The following TULP4 variants were observed in gnomAD, a reference collection of about 807,000 sequenced individuals.
TULP4 encodes the protein TUB like protein 4.
A neutral mutation model predicts 129.0 loss-of-function variants in TULP4; 16 were observed. That is an observed-to-expected ratio of 0.12 (90% CI 0.08 to 0.19). TULP4 has a LOEUF of 0.19. Ranked by LOEUF, TULP4 falls within the 10% of genes least tolerant of loss-of-function variation. The probability of loss-of-function intolerance (pLI) is 1.00; values close to 1 mark genes in which losing one functional copy is unlikely to be tolerated. For missense variants in TULP4, 1,842 were observed against 2,059.1 expected, an observed-to-expected ratio of 0.89 and a Z score of 2.04; for synonymous variants, 998 against 854.0, an observed-to-expected ratio of 1.17 and a Z score of -2.94.
intron 1 of TULP4, among the ~76,000 whole-genome samples, chr6:158,247,212 A>G (rs951857479): frequency 3.9e-5 from 6 of 152,108 alleles, no homozygotes; most frequent in African/African-American, 1.4e-4. Context: ...CCAGTTTGTA[A>G]TGGGCATATT....
intron 1 of TULP4, among the ~76,000 whole-genome samples, chr6:158,368,487 C>G (rs1322186805): frequency 6.6e-6 from 1 of 152,184 alleles, no homozygotes; most frequent in African/African-American, 2.4e-5. Flanking sequence ...TTTTGAACAG[C>G]ATGTGACAGG....
rs5881254 is a variant in TULP4 at position 158,342,947 on chromosome 6, ATGTGTGTG to A, written c.252+28711_252+28718del. On this transcript the variant is annotated intron_variant, in intron 1 of 13. Transcript: ENST00000367097. ...TAGTGAACGATGAGATTAAAAATAA[ATGTGTGTG>A]TGTGTGTGTGTGTGTGTGTGTGTGT... Among the ~76,000 whole-genome samples, 1,215 of 147,624 alleles carry A rather than the reference ATGTGTGTG, an allele frequency of 8.2e-3. 8 individuals are homozygous for A. Among genetic ancestry groups the A allele is most frequent in the South Asian group, 0.02 (91 of 4,610 alleles).
intron 1 of TULP4, among the ~76,000 whole-genome samples, chr6:158,264,419 G>C (rs189998068): frequency 6.6e-6 from 1 of 152,128 alleles, no homozygotes; most frequent in African/African-American, 2.4e-5. Context: ...TTGCACATCA[G>C]TCATAAAGGT....
chr6:158,313,793 C>G lies in TULP4; in HGVS notation c.-224C>G. ...CATGTTTTTTTAAGCATTACCTTTT[C>G]TTAGAAGACTGCCATCATCTTTTAT... is the stretch of plus-strand genomic sequence containing the variant. On this transcript the variant is annotated 5_prime_UTR_variant, in exon 1 of 14. Transcript: ENST00000367097. 1.8e-6 allele frequency: 1 copy of G among 542,266 alleles called. No homozygotes were observed. The highest frequency in any genetic ancestry group is 3.0e-5 in the South Asian group (1 of 33,066). The allele number at this position is 542,266 out of a possible 1,614,324, so 33.6% of individuals were successfully genotyped here.
rs143590465 is a variant in TULP4, at chr6:158,503,972, C to T, written c.4309C>T (p.Arg1437Trp). Residue 1437 changes from arginine (R) to tryptophan (W), a missense_variant, in exon 13 of 14, where the codon CGG becomes TGG. This residue lies in a region of TULP4 where 1,089 missense variants were observed against 987.1 expected (regional missense o/e 1.10). Coordinates refer to ENST00000367097, the MANE Select transcript of TULP4 (RefSeq NM_020245.5). This position sits in a 1 kb window ranked among gnomAD's most constrained non-coding sequence, Gnocchi z 4.3. Reference sequence around the variant, plus strand: ...GGGCTGGAAAAGCAAGCGCTCCCCACGGGCCGCCGGCGAGCTGGAGGAGGC... The same window carrying T: ...GGGCTGGAAAAGCAAGCGCTCCCCATGGGCCGCCGGCGAGCTGGAGGAGGC... ...RKGWKSKRSP[R>W]AAGELEEAKC... 1.1e-5 allele frequency: 17 copies of T among 1,612,902 alleles called. No homozygotes were observed. Among genetic ancestry groups the T allele is most frequent in the African/African-American group, 9.3e-5 (7 of 75,058 alleles).
chr6:158,266,109 T>C (rs1403822721), intron 1 of TULP4, among the ~76,000 whole-genome samples: 1 of 152,246 alleles, frequency 6.6e-6, no homozygotes, highest in Non-Finnish European at 1.5e-5. Flanking sequence ...CTTGAATTCT[T>C]TCCTCATAGG....
chr6:158,379,079 G>A (rs1215101152), intron 1 of TULP4, among the ~76,000 whole-genome samples: 5 of 152,156 alleles, frequency 3.3e-5, no homozygotes, highest in African/African-American at 1.2e-4. Context: ...TGCTGGAGCC[G>A]TCTGGGAGAG....
chr6:158,388,237 A>G (rs1250843640), intron 1 of TULP4, among the ~76,000 whole-genome samples: 1 of 152,040 alleles, frequency 6.6e-6, no homozygotes, highest in Non-Finnish European at 1.5e-5. Context: ...CAAATAATTA[A>G]CCATGTAATT....
upstream of TULP4, among the ~76,000 whole-genome samples, chr6:158,310,147 A>G (rs1001636676): frequency 2.6e-5 from 4 of 152,080 alleles, no homozygotes; most frequent in African/African-American, 4.8e-5. Context: ...TAATTTATAA[A>G]GAAAATTGTT....
chr6:158,321,115 A>G (rs905559739), intron 1 of TULP4, among the ~76,000 whole-genome samples: 2 of 152,076 alleles, frequency 1.3e-5, no homozygotes, highest in Non-Finnish European at 2.9e-5. Context: ...TTCTACTGAA[A>G]TGAACTCCTC....
upstream of TULP4, among the ~76,000 whole-genome samples, chr6:158,278,880 G>A (rs982246567): frequency 3.3e-5 from 5 of 151,832 alleles, no homozygotes; most frequent in Non-Finnish European, 7.4e-5. Flanking sequence ...GGTGAGTTTA[G>A]CTTTCTTTAC....
intron 1 of TULP4, among the ~76,000 whole-genome samples, chr6:158,294,347 A>G (rs1478924678): frequency 6.6e-6 from 1 of 151,744 alleles, no homozygotes; most frequent in African/African-American, 2.4e-5. Flanking sequence ...TGGGCGACAG[A>G]GCAAGACTCC....
intron 1 of TULP4, among the ~76,000 whole-genome samples, chr6:158,332,247 CAGT>C (rs1189415939): frequency 1.9e-4 from 25 of 131,658 alleles, no homozygotes; most frequent in Non-Finnish European, 1.3e-4. Context: ...AAGAGAGAAA[CAGT>C]AAGATATAAA....
chr6:158,509,858 T>C lies in TULP4; in HGVS notation c.*3164T>C, dbSNP rs1780696844. On this transcript the variant is annotated 3_prime_UTR_variant, in exon 14 of 14. Coordinates refer to ENST00000367097, the MANE Select transcript of TULP4 (RefSeq NM_020245.5). The stretch of plus-strand genomic sequence containing the variant: ...GTTTCAGTTAATAGTGGTGGTCTTA[T>C]TTTCAACTATGCTTTCATTCAGTCA... 3 of 132,000 alleles carry C rather than the reference T, an allele frequency of 2.3e-5. No homozygotes were observed. Among genetic ancestry groups the C allele is most frequent in the Non-Finnish European group, 4.9e-5 (3 of 61,190 alleles). The allele number at this position is 132,000 out of a possible 1,614,324, so 8.2% of individuals were successfully genotyped here. A position where few individuals can be genotyped will look rare whatever the true frequency, so the allele number is the denominator to read the frequency against.
chr6:158,258,907 A>G (rs1323896820), intron 1 of TULP4, among the ~76,000 whole-genome samples: 7 of 152,234 alleles, frequency 4.6e-5, no homozygotes, highest in Non-Finnish European at 1.5e-5. Context: ...CATGGGATAT[A>G]TATACCTGAA....
intron 1 of TULP4, among the ~76,000 whole-genome samples, chr6:158,384,385 T>C (rs1224389517): frequency 1.3e-5 from 2 of 151,710 alleles, no homozygotes; most frequent in African/African-American, 4.8e-5. Context: ...CCTCCTGGGT[T>C]CACGCCATTC....
chr6:158,300,242 CA>C (rs1779109602), intron 1 of TULP4, among the ~76,000 whole-genome samples: 1 of 152,192 alleles, frequency 6.6e-6, no homozygotes, highest in African/African-American at 2.4e-5. Flanking sequence ...CCCTCTTCCC[CA>C]CGTTGTAATT....
rs1039105687 is a variant in TULP4, at chr6:158,449,147, C to T, written c.695C>T (p.Thr232Met). The T allele has an allele frequency of 3.1e-6, 5 of 1,613,582 alleles. No homozygotes were observed. The highest frequency in any genetic ancestry group is 1.3e-5 in the African/African-American group (1 of 74,910). ...GTGGAGGACAGCAGCGAGAGCGACA[C>T]GGACTCAGATGACTACGCCCCTCCC... ...FLVEDSSESD[T>M]DSDDYAPPQD... The change falls in exon 4 of 14, where the codon ACG becomes ATG. Residue 232 changes from threonine to methionine, a missense_variant. By Grantham distance (81) the Thr-to-Met change is moderately conservative. Transcript: ENST00000367097.
chr6:158,376,922 G>A (rs1041823235), intron 1 of TULP4, among the ~76,000 whole-genome samples: 2 of 152,204 alleles, frequency 1.3e-5, no homozygotes, highest in East Asian at 1.9e-4. Flanking sequence ...GACAGCCACT[G>A]GAGAATGACA....
Sources: gnomAD v4.1 joint callset for allele counts (sites outside exome capture counted in the v4.1 genomes callset) on GRCh38, gnomAD v4.1.1 for gene constraint, gnomAD v4.1.1 regional missense constraint, Gnocchi (gnomAD v3.1) non-coding constraint, MANE v1.5 for transcripts, NCBI Gene and HGNC (gene_info 2026-07-23, HGNC 2026-07-21) for gene names.